The following GRID2 variants were observed in gnomAD, a reference collection of about 807,000 sequenced individuals.
GRID2 encodes the protein glutamate ionotropic receptor delta type subunit 2.
In GRID2, 33 loss-of-function variants were observed where a neutral mutation model predicts 114.8. That is an observed-to-expected ratio of 0.29 (90% CI 0.22 to 0.38). The LOEUF is 0.38. Ranked by LOEUF, GRID2 falls within the 10% of genes least tolerant of loss-of-function variation. The pLI is 1.00. For synonymous variants in GRID2, 505 were observed against 449.9 expected (o/e 1.12, Z -1.55); for missense variants, 1,184 against 1,257.7 (o/e 0.94, Z 0.89).
intron 13 of GRID2, among the ~76,000 whole-genome samples, chr4:93,524,222 A>T (rs575696477): frequency 6.6e-6 from 1 of 152,264 alleles, no homozygotes; most frequent in South Asian, 2.1e-4. Flanking sequence ...GAAAACGCCA[A>T]GCCTGGGCTG....
At chr4:93,706,175 T>G (rs919868409) in intron 14 of GRID2, among the ~76,000 whole-genome samples, 13 of 152,202 alleles carry the variant, frequency 8.5e-5, no homozygotes, top group African/African-American at 3.1e-4. Context: ...TCTTTTGTGG[T>G]TCCGCATAAA....
intron 14 of GRID2, among the ~76,000 whole-genome samples, chr4:93,626,866 G>A (rs1259375703): frequency 6.6e-6 from 1 of 152,148 alleles, no homozygotes; most frequent in Non-Finnish European, 1.5e-5. Context: ...AGCAGATAAT[G>A]ACAGGGATGT....
At chr4:92,458,347 A>G (rs1479523591) in intron 1 of GRID2, among the ~76,000 whole-genome samples, 1 of 152,162 alleles carries the variant, frequency 6.6e-6, no homozygotes, top group African/African-American at 2.4e-5. Flanking sequence ...TAAATATTTA[A>G]GTCTGTGACC....
intron 2 of GRID2, among the ~76,000 whole-genome samples, chr4:92,709,636 G>C (rs1295319256): frequency 6.9e-6 from 1 of 144,302 alleles, no homozygotes; most frequent in African/African-American, 2.6e-5. Flanking sequence ...CCATATATTT[G>C]CTTCTGAATT....
intron 2 of GRID2, among the ~76,000 whole-genome samples, chr4:93,016,693 TAGAAGAC>T (rs1722775854): frequency 1.3e-5 from 2 of 151,730 alleles, no homozygotes. Flanking sequence ...AGAAACAAAA[TAGAAGAC>T]AGAAAACTAG....
chr4:93,241,512 T>G (rs1330103361), intron 8 of GRID2, among the ~76,000 whole-genome samples: 1 of 151,858 alleles, frequency 6.6e-6, no homozygotes, highest in Non-Finnish European at 1.5e-5. Flanking sequence ...AAATTGCTTA[T>G]ACATATGTAA....
chr4:93,625,559 A>G (rs1016264598), intron 13 of GRID2, among the ~76,000 whole-genome samples: 9 of 152,258 alleles, frequency 5.9e-5, no homozygotes, highest in Non-Finnish European at 1.0e-4. Flanking sequence ...TCAACCAGCC[A>G]TGAACTGAAA....
intron 2 of GRID2, among the ~76,000 whole-genome samples, chr4:92,761,813 G>T (rs1738024224): frequency 1.3e-5 from 2 of 152,146 alleles, no homozygotes; most frequent in Non-Finnish European, 2.9e-5. Context: ...CACTTCCTCA[G>T]CCAAGGGTTC....
At chr4:92,837,991 A>C (rs1742585613) in intron 2 of GRID2, among the ~76,000 whole-genome samples, 4 of 152,100 alleles carry the variant, frequency 2.6e-5, no homozygotes, top group African/African-American at 9.6e-5. Context: ...TTCAATTAAA[A>C]TAATGTTTTA....
At chr4:92,920,682 C>G (rs952981822) in intron 2 of GRID2, among the ~76,000 whole-genome samples, 31 of 152,222 alleles carry the variant, frequency 2.0e-4, no homozygotes, top group Admixed American at 7.2e-4. Flanking sequence ...GGCCCCCACT[C>G]TCTTCTGGCT....
chr4:92,925,153 A>G (rs964896624), intron 2 of GRID2, among the ~76,000 whole-genome samples: 5 of 152,116 alleles, frequency 3.3e-5, no homozygotes, highest in Non-Finnish European at 7.4e-5. Flanking sequence ...ACATAAAGCA[A>G]CGACCTCAAA....
chr4:92,494,838 G>A (rs142723183), intron 1 of GRID2, among the ~76,000 whole-genome samples: 39 of 151,858 alleles, frequency 2.6e-4, no homozygotes, highest in African/African-American at 9.2e-4. Context: ...AAGTCATTGT[G>A]GTTTTTGCCA....
chr4:93,753,564 G>A (rs1732505583), intron 14 of GRID2, among the ~76,000 whole-genome samples: 2 of 152,008 alleles, frequency 1.3e-5, no homozygotes, highest in South Asian at 4.2e-4. Context: ...TCATTGTTCA[G>A]TTCCCACCTA....
At chr4:92,951,236 T>C (rs550742292) in intron 2 of GRID2, among the ~76,000 whole-genome samples, 8 of 152,234 alleles carry the variant, frequency 5.3e-5, no homozygotes, top group Admixed American at 1.3e-4. Flanking sequence ...CCTTAAGTTT[T>C]CTACTTATTA....
chr4:93,769,522 G>C lies in GRID2; in HGVS notation c.2601+72G>C, dbSNP rs937897760. 4 of 1,475,156 alleles carry C rather than the reference G, an allele frequency of 2.7e-6. No homozygotes were observed. In the African/African-American group the frequency reaches 5.6e-5, roughly 21 times the overall value. 91.4% of individuals were successfully genotyped at this position (1,475,156 alleles called of 1,614,324 possible). A position where few individuals can be genotyped will look rare whatever the true frequency, so the allele number is the denominator to read the frequency against. ...TGTATTTCCAGGGAGGACCATCCCA[G>C]GGAGGATAATGGGTTGGGGGTGGTC... On this transcript the variant is annotated intron_variant, in intron 15 of 15. Transcript: ENST00000282020.
intron 14 of GRID2, among the ~76,000 whole-genome samples, chr4:93,747,045 T>G (rs1731902390): frequency 6.6e-6 from 1 of 152,026 alleles, no homozygotes; most frequent in South Asian, 2.1e-4. Flanking sequence ...TTTTAGTGTT[T>G]CAAAAAAAAA....
At chr4:93,799,386 A>C (rs1035526927) in intron 1 of GRID2, among the ~76,000 whole-genome samples, 4 of 152,014 alleles carry the variant, frequency 2.6e-5, no homozygotes, top group Non-Finnish European at 5.9e-5. Context: ...TACTCCCTAA[A>C]GTCCCTAAAA....
intron 14 of GRID2, among the ~76,000 whole-genome samples, chr4:93,688,289 G>T (rs1469624740): frequency 6.6e-6 from 1 of 151,754 alleles, no homozygotes; most frequent in African/African-American, 2.4e-5. Context: ...TCATCTTCAG[G>T]TGTTTACCAC....
intron 1 of GRID2, among the ~76,000 whole-genome samples, chr4:93,800,039 T>C (rs1162201314): frequency 6.6e-6 from 1 of 152,224 alleles, no homozygotes; most frequent in African/African-American, 2.4e-5. Flanking sequence ...GCTCCTATGT[T>C]TCCTGGGCTT....
Sources: allele counts gnomAD v4.1 joint callset (sites outside exome capture counted in the v4.1 genomes callset), GRCh38; gene constraint gnomAD v4.1.1; transcripts MANE v1.5; gene names NCBI Gene and HGNC (gene_info 2026-07-23, HGNC 2026-07-21).